GAB1: variants seen among roughly 807,000 people sequenced by gnomAD.
The protein encoded by GAB1 is GRB2-associated-binding protein 1.
Under a neutral mutation model 66.5 loss-of-function variants are expected in GAB1, and 19 were observed. That is an observed-to-expected ratio of 0.29 (90% CI 0.20 to 0.42). The LOEUF is 0.42. Ranked by LOEUF, GAB1 falls within the 10% of genes least tolerant of loss-of-function variation. The pLI, the probability that GAB1 is intolerant of heterozygous loss-of-function variation, is 1.00. For missense variants in GAB1, 732 were observed against 858.5 expected, an observed-to-expected ratio of 0.85 and a Z score of 1.84; for synonymous variants, 294 against 301.4, an observed-to-expected ratio of 0.98 and a Z score of 0.25.
At chr4:143,364,281 C>T (rs539846109) in intron 1 of GAB1, among the ~76,000 whole-genome samples, 17 of 151,742 alleles carry the variant, frequency 1.1e-4, no homozygotes, top group East Asian at 5.8e-4. Flanking sequence ...CACTTTCCTT[C>T]CTACGTGCAT....
At chr4:143,448,081 C>G (rs544214036) in intron 6 of GAB1, among the ~76,000 whole-genome samples, 2 of 151,950 alleles carry the variant, frequency 1.3e-5, no homozygotes, top group Admixed American at 6.5e-5. Context: ...TCTTTATATG[C>G]TGGATTACAT....
At chr4:143,338,219 C>T (rs1239365415) in intron 1 of GAB1, among the ~76,000 whole-genome samples, 1 of 152,196 alleles carries the variant, frequency 6.6e-6, no homozygotes, top group Non-Finnish European at 1.5e-5. Context: ...TGTTTTGTTG[C>T]TGCTCCCTTG....
intron 2 of GAB1, among the ~76,000 whole-genome samples, chr4:143,430,268 G>A (rs757083115): frequency 1.1e-4 from 16 of 152,054 alleles, no homozygotes; most frequent in Non-Finnish European, 1.6e-4. Context: ...AAACACAATT[G>A]AAAAAGAAAT....
At chr4:143,413,263 C>T (rs1234289036) in intron 1 of GAB1, among the ~76,000 whole-genome samples, 1 of 152,078 alleles carries the variant, frequency 6.6e-6, no homozygotes, top group Non-Finnish European at 1.5e-5. Context: ...GGGAAGTATC[C>T]ATAGAGGGAT....
rs1436649971 is a variant in GAB1, at chr4:143,432,181, AAG to A, written c.368-1308_368-1307del. Among the ~76,000 whole-genome samples, 4 of 152,322 alleles carry A rather than the reference AAG, an allele frequency of 2.6e-5. No homozygotes were observed. The East Asian group carries it at 7.7e-4, about 29-fold the overall frequency. ...TAGCCACTGCTGTCTAACTCGAAAA[AAG>A]AAGGAAAAGGCCAACATTCCTGATC... On this transcript the variant is annotated intron_variant, in intron 2 of 9. Coordinates refer to ENST00000262994, the MANE Select transcript of GAB1 (RefSeq NM_002039.4).
intron 6 of GAB1, among the ~76,000 whole-genome samples, chr4:143,450,080 G>T (rs1308861068): frequency 6.6e-6 from 1 of 152,068 alleles, no homozygotes. Flanking sequence ...CTTTGCGTTA[G>T]ATTTGTTACC....
chr4:143,438,545 G>A lies in GAB1; in HGVS notation c.1140G>A (p.Met380Ile), dbSNP rs1734062198. 1 of 1,613,960 alleles carries A rather than the reference G, an allele frequency of 6.2e-7. No homozygotes were observed. Among genetic ancestry groups the A allele is most frequent in the Non-Finnish European group, 8.5e-7 (1 of 1,179,862 alleles). Residue 380 changes from methionine (M) to isoleucine (I), a missense_variant, in exon 4 of 10, where the codon ATG (methionine) becomes ATA (isoleucine). This residue lies in a region of GAB1 where 427 missense variants were observed against 420.6 expected (regional missense o/e 1.02). Coordinates refer to ENST00000262994, the MANE Select transcript of GAB1 (RefSeq NM_002039.4). ...GTTACTGTATCCCTACAGCAGGGAT[G>A]TCGCCTTCACGTAGTAATACCATTT... ...DSSYCIPTAG[M>I]SPSRSNTIST...
At chr4:143,384,969 T>C (rs535242656) in intron 1 of GAB1, among the ~76,000 whole-genome samples, 1 of 152,254 alleles carries the variant, frequency 6.6e-6, no homozygotes, top group South Asian at 2.1e-4. Context: ...CAGTTTTCAG[T>C]TTAAAAATGG....
At chr4:143,443,102 C>T (rs1054607556) in intron 6 of GAB1, among the ~76,000 whole-genome samples, 16 of 150,824 alleles carry the variant, frequency 1.1e-4, no homozygotes, top group Admixed American at 2.6e-4. Context: ...CTGCAAGCTC[C>T]GCCTCTGGGG....
chr4:143,398,109 A>G (rs745505028), intron 1 of GAB1, among the ~76,000 whole-genome samples: 1 of 152,212 alleles, frequency 6.6e-6, no homozygotes, highest in Non-Finnish European at 1.5e-5. Context: ...ATCTACTCTG[A>G]TTCAGACTAC....
intron 2 of GAB1, among the ~76,000 whole-genome samples, chr4:143,431,267 G>A (rs1186686759): frequency 6.6e-6 from 1 of 152,082 alleles, no homozygotes; most frequent in Non-Finnish European, 1.5e-5. Flanking sequence ...ATTTTGAGAG[G>A]GATCTATTCA....
In GAB1 at chr4:143,435,003, G is replaced by A. The variant is rs28925901; in HGVS notation, c.593+1287G>A. ...TTTTATTTATGTATTAATCAGCTAG[G>A]GTCTGGATAGAGAGTATATTTCTTT... is the stretch of plus-strand genomic sequence containing the variant. On this transcript the variant is annotated intron_variant, in intron 3 of 9. Transcript: ENST00000262994. 3.4e-3 allele frequency among the ~76,000 whole-genome samples: 519 copies of A among 152,064 alleles called. 2 individuals are homozygous for A. Among genetic ancestry groups the A allele is most frequent in the South Asian group, 0.019 (94 of 4,822 alleles).
intron 1 of GAB1, among the ~76,000 whole-genome samples, chr4:143,346,907 A>G (rs1436512984): frequency 6.6e-6 from 1 of 152,204 alleles, no homozygotes; most frequent in Non-Finnish European, 1.5e-5. Context: ...AAGGCACACA[A>G]TTAAACTGGT....
At chr4:143,466,642 A>G (rs1254031044) in intron 9 of GAB1, among the ~76,000 whole-genome samples, 1 of 151,614 alleles carries the variant, frequency 6.6e-6, no homozygotes, top group Admixed American at 6.6e-5. Context: ...GATGCGCGCC[A>G]CCACTCCTGG....
intron 1 of GAB1, among the ~76,000 whole-genome samples, chr4:143,386,294 G>T (rs543925372): frequency 6.6e-6 from 1 of 152,166 alleles, no homozygotes; most frequent in African/African-American, 2.4e-5. Flanking sequence ...TTGTGAATAC[G>T]TAATGAGATA....
chr4:143,460,544 A>G, intron 8 of GAB1, 57 bp downstream of exon 8: 5 of 1,532,122 alleles, frequency 3.3e-6, no homozygotes, highest in Non-Finnish European at 4.5e-6. Flanking sequence ...CATTCAAGCT[A>G]GAACTGTTCT....
intron 1 of GAB1, among the ~76,000 whole-genome samples, chr4:143,406,311 A>G (rs1000527795): frequency 6.6e-6 from 1 of 152,110 alleles, no homozygotes; most frequent in Non-Finnish European, 1.5e-5. Context: ...TTAATGGCTC[A>G]ATGACTGTGG....
At chr4:143,347,446 T>C (rs2149644989) in intron 1 of GAB1, among the ~76,000 whole-genome samples, 1 of 152,312 alleles carries the variant, frequency 6.6e-6, no homozygotes, top group Middle Eastern at 3.4e-3. Flanking sequence ...TCCAACCCAC[T>C]CCTTTTACAG....
chr4:143,420,437 G>A (rs906257323), intron 2 of GAB1, among the ~76,000 whole-genome samples: 5 of 152,122 alleles, frequency 3.3e-5, no homozygotes, highest in African/African-American at 1.2e-4. Context: ...TGTTATTTCC[G>A]CTGCCCCAGG....
Sources: allele counts gnomAD v4.1 joint callset (sites outside exome capture counted in the v4.1 genomes callset), GRCh38; gene constraint gnomAD v4.1.1; regional missense constraint gnomAD v4.1.1; transcripts MANE v1.5; gene names NCBI Gene and HGNC (gene_info 2026-07-23, HGNC 2026-07-21).